The following ANKH variants were observed in gnomAD, a reference collection of about 807,000 sequenced individuals.
The protein encoded by ANKH is ANKH inorganic pyrophosphate transport regulator, also known as mineralization regulator ANKH.
A neutral mutation model predicts 49.0 loss-of-function variants in ANKH; 15 were observed. The observed-to-expected ratio is 0.31, with a 90% CI of 0.20 to 0.47. ANKH has a LOEUF of 0.47. Ranked by LOEUF, ANKH falls within the 20% of genes least tolerant of loss-of-function variation. The probability of loss-of-function intolerance (pLI) is 1.00; values close to 1 mark genes in which losing one functional copy is unlikely to be tolerated. For missense variants in ANKH, 429 were observed against 652.0 expected (o/e 0.66, Z 3.72); for synonymous variants, 273 against 260.0 (o/e 1.05, Z -0.48).
At chr5:14,757,799 T>G (rs145880312) in intron 3 of ANKH, among the ~76,000 whole-genome samples, 1 of 152,188 alleles carries the variant, frequency 6.6e-6, no homozygotes, top group African/African-American at 2.4e-5. Flanking sequence ...GATGGACTGG[T>G]TAAAAGTCAA....
At chr5:14,716,228 G>A (rs1165266658) in intron 9 of ANKH, among the ~76,000 whole-genome samples, 2 of 152,294 alleles carry the variant, frequency 1.3e-5, no homozygotes, top group Admixed American at 6.5e-5. Flanking sequence ...TACGCCAGGT[G>A]CAGTGGCTCA....
chr5:14,790,227 A>T (rs1308672231), intron 1 of ANKH, among the ~76,000 whole-genome samples: 1 of 152,268 alleles, frequency 6.6e-6, no homozygotes, highest in Non-Finnish European at 1.5e-5. Context: ...ATATGAAGAT[A>T]AAAGTACACT....
intron 1 of ANKH, among the ~76,000 whole-genome samples, chr5:14,867,652 C>T (rs1044645712): frequency 1.4e-4 from 21 of 152,056 alleles, no homozygotes; most frequent in Admixed American, 1.0e-3. Context: ...CTCCGCTTCC[C>T]GGGTTCACGC....
At chr5:14,711,494 TCTGTGTGCCTG>T (rs570769040) in intron 11 of ANKH, among the ~76,000 whole-genome samples, 184 bp from the exon 12 acceptor site, 60 of 152,282 alleles carry the variant, frequency 3.9e-4, no homozygotes, top group South Asian at 1.5e-3. Context: ...AGTTTGGTTG[TCTGTGTGCCTG>T]CTGTGTGCCT....
At chr5:14,761,459 C>T (rs697573) in intron 2 of ANKH, among the ~76,000 whole-genome samples, 1,930 of 152,152 alleles carry the variant, frequency 0.013, 48 homozygotes, top group African/African-American at 0.045. Flanking sequence ...AAATAGAGAT[C>T]AATACACATA....
At chr5:14,826,831 C>T (rs1416601903) in intron 1 of ANKH, among the ~76,000 whole-genome samples, 1 of 152,222 alleles carries the variant, frequency 6.6e-6, no homozygotes, top group Admixed American at 6.5e-5. Flanking sequence ...TATGTTCTGA[C>T]TAACATCCAT....
At chr5:14,871,317 G>A (rs746813848) in intron 1 of ANKH, 35 bp downstream of exon 1, 8 of 1,589,336 alleles carry the variant, frequency 5.0e-6, no homozygotes, top group Non-Finnish European at 6.0e-6. Flanking sequence ...GCCAAGGCAG[G>A]GCGAGCGGGC....
At chr5:14,849,191 A>G (rs1315470262) in intron 1 of ANKH, among the ~76,000 whole-genome samples, 1 of 152,168 alleles carries the variant, frequency 6.6e-6, no homozygotes, top group African/African-American at 2.4e-5. Flanking sequence ...CATACTAGAG[A>G]TCAGATTTCT....
intron 6 of ANKH, among the ~76,000 whole-genome samples, chr5:14,748,608 C>A (rs1738613698): frequency 1.3e-5 from 2 of 152,236 alleles, no homozygotes; most frequent in Admixed American, 1.3e-4. Context: ...TTTGTTCAAT[C>A]AAGGAGCTCC....
At chr5:14,738,596 A>T (rs1186603105) in intron 8 of ANKH, among the ~76,000 whole-genome samples, 2 of 152,218 alleles carry the variant, frequency 1.3e-5, no homozygotes, top group African/African-American at 4.8e-5. Flanking sequence ...GACCTCTGCT[A>T]CATTAATTTC....
intron 5 of ANKH, among the ~76,000 whole-genome samples, chr5:14,750,184 G>A (rs1738666480): frequency 6.6e-6 from 1 of 152,236 alleles, no homozygotes; most frequent in Non-Finnish European, 1.5e-5. Context: ...TCAGGGTGAG[G>A]TGAGGGGATG....
chr5:14,796,532 C>G (rs1400775258), intron 1 of ANKH, among the ~76,000 whole-genome samples: 1 of 146,874 alleles, frequency 6.8e-6, no homozygotes, highest in Non-Finnish European at 1.5e-5. Flanking sequence ...GAAAACAGCT[C>G]AAGAAATACA....
chr5:14,867,439 T>C (rs1263402980), intron 1 of ANKH, among the ~76,000 whole-genome samples: 1 of 152,236 alleles, frequency 6.6e-6, no homozygotes, highest in Admixed American at 6.5e-5. Flanking sequence ...TCTCAATCTG[T>C]AAAAATTGAG....
chr5:14,833,984 C>T (rs1041291603), intron 1 of ANKH, among the ~76,000 whole-genome samples: 4 of 152,156 alleles, frequency 2.6e-5, no homozygotes, highest in African/African-American at 7.2e-5. Flanking sequence ...ACGTGGGGCT[C>T]GTGCTGACCT....
At chr5:14,820,597 A>C (rs181787184) in intron 1 of ANKH, among the ~76,000 whole-genome samples, 7 of 152,322 alleles carry the variant, frequency 4.6e-5, no homozygotes, top group Non-Finnish European at 7.4e-5. Flanking sequence ...GCCCAACATC[A>C]AGGGTGGGGA....
At chr5:14,870,629 C>T (rs949390215) in intron 1 of ANKH, 1 of 155,056 alleles carries the variant, frequency 6.4e-6, no homozygotes, top group Non-Finnish European at 1.4e-5. Flanking sequence ...TGCAGGGTGC[C>T]AATGCCCCAT....
intron 9 of ANKH, among the ~76,000 whole-genome samples, chr5:14,714,871 A>T (rs1737385128): frequency 6.6e-6 from 1 of 152,052 alleles, no homozygotes; most frequent in South Asian, 2.1e-4. Context: ...CAGCTGGGGC[A>T]CTCCAGGCCC....
intron 1 of ANKH, among the ~76,000 whole-genome samples, chr5:14,822,826 C>T (rs1741234075): frequency 6.6e-6 from 1 of 152,128 alleles, no homozygotes; most frequent in East Asian, 1.9e-4. Context: ...GCGGGTGGAC[C>T]ACGAGGTCAG....
At chr5:14,795,261 T>G (rs1740336679) in intron 1 of ANKH, among the ~76,000 whole-genome samples, 2 of 152,252 alleles carry the variant, frequency 1.3e-5, no homozygotes, top group South Asian at 4.1e-4. Context: ...TGGAAAAAAT[T>G]TATCTTCAAC....
Sources: gnomAD v4.1 joint callset for allele counts (sites outside exome capture counted in the v4.1 genomes callset) on GRCh38, gnomAD v4.1.1 for gene constraint, MANE v1.5 for transcripts, NCBI Gene and HGNC (gene_info 2026-07-23, HGNC 2026-07-21) for gene names.